Variants in TMEM117 observed in about 807,000 individuals in gnomAD.
TMEM117 encodes transmembrane protein 117.
TMEM117 carries 27 observed loss-of-function variants against 52.4 expected under a neutral mutation model. That is an observed-to-expected ratio of 0.51 (90% CI 0.38 to 0.71). The LOEUF (loss-of-function observed/expected upper bound fraction) is 0.71, where lower values mean the gene tolerates loss of function less well. Ranked by LOEUF, TMEM117 falls within the 30% of genes least tolerant of loss-of-function variation. The probability of loss-of-function intolerance (pLI) is 0.00; values close to 1 mark genes in which losing one functional copy is unlikely to be tolerated. For missense variants in TMEM117, 556 were observed against 630.5 expected (o/e 0.88, Z 1.26); for synonymous variants, 215 against 206.3 (o/e 1.04, Z -0.36).
chr12:44,181,625 G>T (rs1369291833), intron 4 of TMEM117, among the ~76,000 whole-genome samples: 1 of 152,028 alleles, frequency 6.6e-6, no homozygotes, highest in Admixed American at 6.6e-5. Context: ...CTTCCCCATT[G>T]CTTGTTTTTG....
At chr12:44,023,558 C>A (rs1484224789) in intron 3 of TMEM117, among the ~76,000 whole-genome samples, 7 of 152,018 alleles carry the variant, frequency 4.6e-5, no homozygotes, top group Non-Finnish European at 8.8e-5. Context: ...TTTTGATTCG[C>A]ATTTCTCTGA....
Position 44,251,010 on chromosome 12 carries a change from A to G in TMEM117, c.608+39623A>G, listed in dbSNP as rs1950191097. ...CCCGGATCTTAAAGTAAAATAAAAT[A>G]AAAATAAAAATAAAGATTTTGAGAG... On this transcript the variant is annotated intron_variant, in intron 5 of 7. Coordinates refer to ENST00000266534, the MANE Select transcript of TMEM117 (RefSeq NM_032256.3). Among the ~76,000 whole-genome samples the G allele has an allele frequency of 2.0e-5, 3 of 152,130 alleles. No homozygotes were observed. In the South Asian group the frequency reaches 6.2e-4, roughly 32 times the overall value.
chr12:43,817,164 G>A, the TMEM117 span, among the ~76,000 whole-genome samples: 1 of 152,190 alleles, frequency 6.6e-6, no homozygotes, highest in East Asian at 1.9e-4. Flanking sequence ...CAATTTTCAG[G>A]AAAAGCAATT....
At chr12:44,329,626 G>T (rs2138720618) in intron 6 of TMEM117, among the ~76,000 whole-genome samples, 1 of 152,070 alleles carries the variant, frequency 6.6e-6, no homozygotes, top group Admixed American at 6.6e-5. Context: ...TTTATCTTGT[G>T]ACTCTGAAAC....
intron 2 of TMEM117, among the ~76,000 whole-genome samples, chr12:43,880,370 T>G (rs939768094): frequency 1.3e-5 from 2 of 152,178 alleles, no homozygotes; most frequent in Admixed American, 1.3e-4. Context: ...TAAAAAAATT[T>G]CTTTCTAACT....
intron 5 of TMEM117, among the ~76,000 whole-genome samples, chr12:44,237,826 A>AAATG (rs1390223776): frequency 6.6e-6 from 1 of 152,224 alleles, no homozygotes; most frequent in Non-Finnish European, 1.5e-5. Flanking sequence ...TCTGTTGAAT[A>AAATG]AATGAATGAA....
chr12:44,096,597 A>G (rs1338882919), intron 3 of TMEM117, among the ~76,000 whole-genome samples: 4 of 151,558 alleles, frequency 2.6e-5, no homozygotes, highest in Non-Finnish European at 5.9e-5. Flanking sequence ...AAACCTGAGA[A>G]AAACAAGCAA....
chr12:44,226,984 A>ATT (rs572232300), intron 5 of TMEM117, among the ~76,000 whole-genome samples: 7 of 150,472 alleles, frequency 4.7e-5, no homozygotes, highest in African/African-American at 1.5e-4. Context: ...AAAGCAACCA[A>ATT]TTTTTTTTTT....
chr12:43,940,875 T>C (rs1945034388), intron 2 of TMEM117, among the ~76,000 whole-genome samples: 1 of 152,198 alleles, frequency 6.6e-6, no homozygotes, highest in African/African-American at 2.4e-5. Context: ...TGCTTTTATA[T>C]CATTAATCTT....
intron 4 of TMEM117, among the ~76,000 whole-genome samples, chr12:44,148,451 AT>A (rs1948676223): frequency 6.6e-6 from 1 of 152,172 alleles, no homozygotes; most frequent in South Asian, 2.1e-4. Flanking sequence ...AAATGTGTTG[AT>A]TTTAGAAAAA....
chr12:43,804,615 A>G, the TMEM117 span: 2 of 1,350,100 alleles, frequency 1.5e-6, no homozygotes, highest in Admixed American at 4.2e-5. Context: ...ATACTTACAT[A>G]TAAATACTTT....
At chr12:43,852,835 A>G (rs1047125645) in intron 2 of TMEM117, among the ~76,000 whole-genome samples, 2 of 152,138 alleles carry the variant, frequency 1.3e-5, no homozygotes, top group Non-Finnish European at 2.9e-5. Context: ...GAGATCCTCT[A>G]TTAGTTGTCA....
At chr12:44,318,941 TCA>T (rs1951095179) in intron 6 of TMEM117, among the ~76,000 whole-genome samples, 1 of 152,228 alleles carries the variant, frequency 6.6e-6, no homozygotes, top group Non-Finnish European at 1.5e-5. Context: ...CCCAGCAAGG[TCA>T]CACACAGGCC....
Position 44,335,448 on chromosome 12 carries a change from A to G in TMEM117, c.768+35709A>G, listed in dbSNP as rs566928433. Among the ~76,000 whole-genome samples, 5 of 152,182 alleles carry G rather than the reference A, an allele frequency of 3.3e-5. No homozygotes were observed. In the East Asian group the frequency reaches 7.7e-4, roughly 24 times the overall value. On this transcript the variant is annotated intron_variant, in intron 6 of 7. Transcript: ENST00000266534. Reference sequence around the variant, plus strand: ...TCTCATTGATCATCATAGCAGTTCAATCAGGTAAGATGATACTTGTATCTG... The same window carrying G: ...TCTCATTGATCATCATAGCAGTTCAGTCAGGTAAGATGATACTTGTATCTG...
At chr12:44,162,637 A>T (rs1948913261) in intron 4 of TMEM117, among the ~76,000 whole-genome samples, 1 of 152,142 alleles carries the variant, frequency 6.6e-6, no homozygotes. Flanking sequence ...TTACTGTAGC[A>T]TTAAGACTGA....
chr12:44,197,198 A>G (rs780170765), intron 4 of TMEM117, among the ~76,000 whole-genome samples: 1 of 152,050 alleles, frequency 6.6e-6, no homozygotes, highest in Admixed American at 6.6e-5. Flanking sequence ...TTGAGAAAAT[A>G]TTTGCTTTTT....
intron 3 of TMEM117, among the ~76,000 whole-genome samples, chr12:44,135,837 A>G (rs1056725201): frequency 6.6e-6 from 1 of 152,142 alleles, no homozygotes; most frequent in African/African-American, 2.4e-5. Context: ...TTATTCCATT[A>G]TTTTGATCAT....
chr12:44,018,764 G>T (rs73087674), intron 3 of TMEM117, among the ~76,000 whole-genome samples: 6,050 of 147,350 alleles, frequency 0.041, 203 homozygotes, highest in African/African-American at 0.093. Flanking sequence ...TCTGTCGCCA[G>T]TCTGGAGTGC....
chr12:44,231,851 T>C (rs1159817678), intron 5 of TMEM117, among the ~76,000 whole-genome samples: 1 of 151,762 alleles, frequency 6.6e-6, no homozygotes, highest in Non-Finnish European at 1.5e-5. Flanking sequence ...GTCAGTTGTA[T>C]ATGGTGCTCA....
Sources: allele counts gnomAD v4.1 joint callset (sites outside exome capture counted in the v4.1 genomes callset), GRCh38; gene constraint gnomAD v4.1.1; transcripts MANE v1.5; gene names NCBI Gene and HGNC (gene_info 2026-07-23, HGNC 2026-07-21).